The following COG5 variants were observed in gnomAD, a reference collection of about 807,000 sequenced individuals.
COG5 encodes the protein conserved oligomeric Golgi complex subunit 5.
In COG5, 86 loss-of-function variants were observed where a neutral mutation model predicts 110.4. The ratio of observed to expected loss-of-function variants is 0.78; its 90% CI spans 0.65 to 0.93. The LOEUF (loss-of-function observed/expected upper bound fraction) is 0.93. Among genes scored for constraint, COG5 ranks in the 40% least tolerant of loss-of-function variants. The pLI is 0.00. For missense variants in COG5, 1,077 were observed against 987.0 expected (o/e 1.09, Z -1.22); for synonymous variants, 360 against 334.6 (o/e 1.08, Z -0.83).
chr7:107,535,786 G>C lies in COG5; in HGVS notation c.418-8429C>G, dbSNP rs183475443. Among the ~76,000 whole-genome samples, 285 of 152,264 alleles carry C rather than the reference G, an allele frequency of 1.9e-3. 2 individuals carry two copies. The highest frequency in any genetic ancestry group is 6.6e-3 in the African/African-American group (276 of 41,550). On this transcript the variant is annotated intron_variant, in intron 5 of 21. Transcript: ENST00000297135. ...AACTATTCTAAACAATAGAAAAAGA[G>C]AGACTCCTCCCTAACTCATTTTATG...
In COG5 at chr7:107,274,901, A is replaced by G. The variant is rs537876342; in HGVS notation, c.1575+6399T>C. ...AGTTCATCTAGTATTGACTTGCCACAGCCCCCAGAAAATCAAGCTCTTACA... is the reference window on the plus strand; with the variant it reads ...AGTTCATCTAGTATTGACTTGCCACGGCCCCCAGAAAATCAAGCTCTTACA... On this transcript the variant is annotated intron_variant, in intron 14 of 21. Coordinates refer to ENST00000297135, the MANE Select transcript of COG5 (RefSeq NM_006348.5). Among the ~76,000 whole-genome samples the G allele has an allele frequency of 2.0e-5, 3 of 152,250 alleles. No homozygotes were observed. In the East Asian group the frequency reaches 5.8e-4, roughly 29 times the overall value.
intron 6 of COG5, among the ~76,000 whole-genome samples, chr7:107,497,588 A>G (rs1798359914): frequency 6.6e-6 from 1 of 152,198 alleles, no homozygotes; most frequent in Non-Finnish European, 1.5e-5. Flanking sequence ...CTTAAGTAAG[A>G]AAGTGAAAGA....
At chr7:107,246,493 A>G (rs1433937142) in intron 17 of COG5, among the ~76,000 whole-genome samples, 2 of 152,222 alleles carry the variant, frequency 1.3e-5, no homozygotes, top group Non-Finnish European at 2.9e-5. Context: ...TCCAGAATCC[A>G]TAAGGAACTT....
chr7:107,320,943 C>T (rs1238694368), intron 11 of COG5, among the ~76,000 whole-genome samples: 1 of 152,190 alleles, frequency 6.6e-6, no homozygotes, highest in Non-Finnish European at 1.5e-5. Context: ...ACTTCTTCTA[C>T]ACCCCCACCT....
At chr7:107,436,350 CAACA>C (rs1168067521) in intron 6 of COG5, among the ~76,000 whole-genome samples, 1 of 152,136 alleles carries the variant, frequency 6.6e-6, no homozygotes, top group Non-Finnish European at 1.5e-5. Flanking sequence ...ATAAGCTAGT[CAACA>C]AACAAACAAA....
intron 6 of COG5, among the ~76,000 whole-genome samples, chr7:107,457,688 C>T (rs1025543702): frequency 3.3e-5 from 5 of 152,122 alleles, no homozygotes; most frequent in Non-Finnish European, 7.4e-5. Context: ...CCTCAGCCTC[C>T]CAAAGTGCTG....
At chr7:107,363,475 A>T (rs1813306062) in intron 8 of COG5, among the ~76,000 whole-genome samples, 1 of 152,224 alleles carries the variant, frequency 6.6e-6, no homozygotes, top group Non-Finnish European at 1.5e-5. Context: ...AACAATGATT[A>T]AAAAATAATT....
intron 19 of COG5, among the ~76,000 whole-genome samples, chr7:107,213,881 C>G (rs758368529): frequency 2.6e-5 from 4 of 152,108 alleles, no homozygotes; most frequent in Non-Finnish European, 4.4e-5. Flanking sequence ...AATAGTGACA[C>G]CACCAAAAGA....
At chr7:107,328,903 C>G (rs1290138193) in intron 10 of COG5, among the ~76,000 whole-genome samples, 2 of 152,102 alleles carry the variant, frequency 1.3e-5, no homozygotes, top group Non-Finnish European at 2.9e-5. Context: ...TCATTGCAAC[C>G]TCCGCCTCCC....
intron 14 of COG5, among the ~76,000 whole-genome samples, chr7:107,260,455 G>C (rs1803244356): frequency 6.6e-6 from 1 of 152,124 alleles, no homozygotes; most frequent in African/African-American, 2.4e-5. Flanking sequence ...GTATGAAGTT[G>C]CTTATTAGGG....
At chr7:107,314,276 A>G (rs10241552) in intron 11 of COG5, among the ~76,000 whole-genome samples, 21,090 of 152,096 alleles carry the variant, frequency 0.14, 2,181 homozygotes, top group African/African-American at 0.29. Context: ...CTAGAAGGGG[A>G]CATGAAGGGA....
At chr7:107,346,696 T>A (rs1349324383) in intron 10 of COG5, among the ~76,000 whole-genome samples, 1 of 152,088 alleles carries the variant, frequency 6.6e-6, no homozygotes, top group African/African-American at 2.4e-5. Flanking sequence ...AGGAGGATAT[T>A]TTTTTTCTTT....
At chr7:107,469,008 AAATTT>A (rs1358819149) in intron 6 of COG5, among the ~76,000 whole-genome samples, 4 of 149,738 alleles carry the variant, frequency 2.7e-5, no homozygotes, top group Admixed American at 6.6e-5. Context: ...TTTTAATATT[AAATTT>A]AATTTAAATT....
intron 16 of COG5, chr7:107,253,236 A>G (rs1802652221): frequency 6.6e-6 from 1 of 152,202 alleles, no homozygotes; most frequent in African/African-American, 2.4e-5. Context: ...AGAAGAGAGC[A>G]TCTTGGGGAA....
intron 16 of COG5, among the ~76,000 whole-genome samples, chr7:107,252,616 T>C (rs1288929595): frequency 6.6e-6 from 1 of 152,176 alleles, no homozygotes. Context: ...TATGACAATA[T>C]ACCTTATGAA....
At chr7:107,230,750 A>G (rs1800716668) in intron 18 of COG5, 59 bp from the exon 19 acceptor site, 2 of 1,315,132 alleles carry the variant, frequency 1.5e-6, no homozygotes, top group South Asian at 1.2e-5. Context: ...GGAATTTGGG[A>G]AAGACCCGGA....
chr7:107,438,581 C>T (rs1794506406), intron 6 of COG5, among the ~76,000 whole-genome samples: 1 of 152,194 alleles, frequency 6.6e-6, no homozygotes, highest in African/African-American at 2.4e-5. Flanking sequence ...TCTCTCCCAA[C>T]TACAAACTTA....
At chr7:107,258,533 G>A in intron 14 of COG5, 150 bp from the exon 15 acceptor site, 10 of 666,024 alleles carry the variant, frequency 1.5e-5, no homozygotes, top group South Asian at 1.5e-4. Flanking sequence ...ATGTTAACTG[G>A]AAATATTCAG....
At chr7:107,336,107 C>T (rs1020824704) in intron 10 of COG5, among the ~76,000 whole-genome samples, 2 of 152,146 alleles carry the variant, frequency 1.3e-5, no homozygotes, top group African/African-American at 4.8e-5. Flanking sequence ...TCTGTACTCC[C>T]TTGTTTAATG....
Sources: gnomAD v4.1 joint callset for allele counts (sites outside exome capture counted in the v4.1 genomes callset) on GRCh38, gnomAD v4.1.1 for gene constraint, MANE v1.5 for transcripts, NCBI Gene and HGNC (gene_info 2026-07-23, HGNC 2026-07-21) for gene names.